Variants in ATP9A observed in about 807,000 individuals in gnomAD.
ATP9A encodes the protein probable phospholipid-transporting ATPase IIA.
In ATP9A, 52 loss-of-function variants were observed where a neutral mutation model predicts 144.1. The ratio of observed to expected loss-of-function variants is 0.36; its 90% CI spans 0.29 to 0.45. The LOEUF (loss-of-function observed/expected upper bound fraction) is 0.45. Among genes scored for constraint, ATP9A ranks in the 20% least tolerant of loss-of-function variants. The pLI is 1.00. For missense variants in ATP9A, 947 were observed against 1,392.7 expected (o/e 0.68, Z 5.09); for synonymous variants, 582 against 557.4 (o/e 1.04, Z -0.62).
At chr20:51,731,710 C>G (rs960502390) in intron 1 of ATP9A, among the ~76,000 whole-genome samples, 3 of 148,100 alleles carry the variant, frequency 2.0e-5, no homozygotes, top group Non-Finnish European at 4.4e-5. Context: ...CAGAGGGAGA[C>G]TCCATCTCCA....
chr20:51,708,705 T>C (rs2077625017), intron 4 of ATP9A, among the ~76,000 whole-genome samples: 1 of 152,118 alleles, frequency 6.6e-6, no homozygotes, highest in Non-Finnish European at 1.5e-5. Flanking sequence ...TACTGCACTC[T>C]AGCCTGGGCG....
intron 14 of ATP9A, among the ~76,000 whole-genome samples, chr20:51,645,971 A>C (rs1442333329): frequency 6.6e-6 from 1 of 152,254 alleles, no homozygotes; most frequent in Non-Finnish European, 1.5e-5. Flanking sequence ...CCAGCAGCAG[A>C]AAACACAACC....
chr20:51,708,970 G>T (rs975862298), intron 4 of ATP9A, among the ~76,000 whole-genome samples: 1 of 152,078 alleles, frequency 6.6e-6, no homozygotes, highest in Admixed American at 6.5e-5. Flanking sequence ...AGAAAAAAAT[G>T]CTATCAAAGG....
intron 2 of ATP9A, among the ~76,000 whole-genome samples, chr20:51,726,912 T>C (rs1382449043): frequency 8.7e-6 from 1 of 114,826 alleles, no homozygotes; most frequent in African/African-American, 3.7e-5. Flanking sequence ...TTTTTTTTTT[T>C]TTTTGAGACG....
chr20:51,690,394 T>C (rs151133439), intron 8 of ATP9A, among the ~76,000 whole-genome samples: 95 of 152,122 alleles, frequency 6.2e-4, no homozygotes, highest in African/African-American at 2.0e-3. Context: ...GACTCCAGCC[T>C]GGGCAACAGA....
intron 7 of ATP9A, among the ~76,000 whole-genome samples, chr20:51,693,383 T>C (rs6123067): frequency 0.67 from 101,501 of 152,028 alleles, 33,896 homozygotes; most frequent in East Asian, 0.69. Context: ...GACAGGCTGG[T>C]AGGCAGAGGA....
At chr20:51,623,801 A>AAAAGAAAGAAAGAAAGAAAGAAAG (rs71192537) in intron 18 of ATP9A, among the ~76,000 whole-genome samples, 1 of 133,390 alleles carries the variant, frequency 7.5e-6, no homozygotes, top group African/African-American at 3.0e-5. Flanking sequence ...AAAAAAAAAA[A>AAAAGAAAGAAAGAAAGAAAGAAAG]AAAGAAAGAA....
intron 19 of ATP9A, 50 bp from the exon 20 acceptor site, chr20:51,619,093 A>C (rs1353651904): frequency 6.5e-7 from 1 of 1,534,818 alleles, no homozygotes; most frequent in East Asian, 2.3e-5. Flanking sequence ...CGGACATGAT[A>C]GAACAACAAA....
chr20:51,693,690 G>A (rs1383598043), intron 7 of ATP9A, among the ~76,000 whole-genome samples: 1 of 152,138 alleles, frequency 6.6e-6, no homozygotes, highest in South Asian at 2.1e-4. Flanking sequence ...GGTGCATGCC[G>A]CTGAGCCTGG....
Position 51,697,948 on chromosome 20 carries a change from C to A in ATP9A, c.437-466G>T, listed in dbSNP as rs866152161. ...ATGCTTTGATTTATAGGATTATGAT[C>A]AGACTATATAATTTTTGCTGGATGT... On this transcript the variant is annotated intron_variant, in intron 4 of 27. Transcript: ENST00000338821. 5.3e-5 allele frequency among the ~76,000 whole-genome samples: 8 copies of A among 152,194 alleles called. No individual in the cohort carries two copies. The South Asian group carries it at 8.3e-4, about 16-fold the overall frequency.
chr20:51,702,700 G>A (rs140908250), intron 4 of ATP9A, among the ~76,000 whole-genome samples: 2 of 152,242 alleles, frequency 1.3e-5, no homozygotes, highest in East Asian at 3.9e-4. Context: ...CGGTAAGGGT[G>A]TGGAAAGGGC....
chr20:51,634,723 C>A (rs1005243071), intron 15 of ATP9A, among the ~76,000 whole-genome samples: 1 of 151,854 alleles, frequency 6.6e-6, no homozygotes, highest in Non-Finnish European at 1.5e-5. Context: ...GGCATGGTAG[C>A]ACATGCCTGT....
chr20:51,730,581 C>T (rs6126330), intron 1 of ATP9A, among the ~76,000 whole-genome samples: 3 of 152,132 alleles, frequency 2.0e-5, no homozygotes, highest in African/African-American at 2.4e-5. Context: ...TAGGCCATTT[C>T]GGCACTGTGG....
chr20:51,604,780 G>T, intron 27 of ATP9A, 37 bp downstream of exon 27: 1 of 1,438,886 alleles, frequency 6.9e-7, no homozygotes, highest in East Asian at 2.7e-5. Context: ...GATTCACTGG[G>T]GGTGACGGAC....
chr20:51,727,272 C>G (rs1309598831), intron 2 of ATP9A, among the ~76,000 whole-genome samples: 1 of 147,574 alleles, frequency 6.8e-6, no homozygotes, highest in Admixed American at 6.8e-5. Flanking sequence ...AAAACTCCAT[C>G]TCAAAAAAAA....
chr20:51,658,168 C>T (rs1347194840), intron 13 of ATP9A, among the ~76,000 whole-genome samples: 3 of 152,108 alleles, frequency 2.0e-5, no homozygotes, highest in South Asian at 2.1e-4. Context: ...TTCCTGTCAA[C>T]GAGAGGAGTG....
chr20:51,739,944 C>T (rs895344353), intron 1 of ATP9A, among the ~76,000 whole-genome samples: 1 of 152,184 alleles, frequency 6.6e-6, no homozygotes, highest in Non-Finnish European at 1.5e-5. Flanking sequence ...AAGAAGTTCC[C>T]GATAGCCTTG....
At chr20:51,679,441 T>C (rs2077491119) in intron 9 of ATP9A, among the ~76,000 whole-genome samples, 1 of 152,100 alleles carries the variant, frequency 6.6e-6, no homozygotes, top group Non-Finnish European at 1.5e-5. Flanking sequence ...AACAACCACC[T>C]CTTAGACAGG....
chr20:51,627,511 T>C (rs1183252439), intron 17 of ATP9A, 89 bp downstream of exon 17: 2 of 1,193,308 alleles, frequency 1.7e-6, no homozygotes, highest in East Asian at 4.7e-5. Flanking sequence ...GACATCAGAA[T>C]GGCTCGCATA....
Sources: gnomAD v4.1 joint callset for allele counts (sites outside exome capture counted in the v4.1 genomes callset) on GRCh38, gnomAD v4.1.1 for gene constraint, MANE v1.5 for transcripts, NCBI Gene and HGNC (gene_info 2026-07-23, HGNC 2026-07-21) for gene names.